TSEN34: variants seen among roughly 807,000 people sequenced by gnomAD.
TSEN34 encodes tRNA splicing endonuclease subunit 34, also known as tRNA-splicing endonuclease subunit Sen34.
In TSEN34, 25 loss-of-function variants were observed where a neutral mutation model predicts 30.2. That is an observed-to-expected ratio of 0.83 (90% CI 0.60 to 1.16). The LOEUF (loss-of-function observed/expected upper bound fraction) is 1.16, where lower values mean the gene tolerates loss of function less well. Among genes scored for constraint, TSEN34 ranks in the 50% most tolerant of loss-of-function variants. TSEN34 has a pLI of 0.00. For synonymous variants in TSEN34, 209 were observed against 177.4 expected (o/e 1.18, Z -1.41); for missense variants, 475 against 411.9 (o/e 1.15, Z -1.33).
At chr19:54,190,483 G>T (rs16985457), upstream of TSEN34, 13 of 1,372,510 alleles carry the variant, frequency 9.5e-6, no homozygotes, top group Non-Finnish European at 1.2e-5. Flanking sequence ...TGGACGGCGG[G>T]TGTCCAGGGG....
chr19:54,192,076 C>T (rs1359783706), intron 2 of TSEN34, 40 bp from the exon 3 acceptor site: 9 of 1,614,096 alleles, frequency 5.6e-6, no homozygotes, highest in East Asian at 2.2e-5. Flanking sequence ...AAGACTTTAC[C>T]CCTTGAATTT....
upstream of TSEN34, chr19:54,191,084 A>C: frequency 7.7e-7 from 1 of 1,302,654 alleles, no homozygotes; most frequent in Non-Finnish European, 9.7e-7. Context: ...CCGCAGGGTC[A>C]CAAGGGTAGA....
chr19:54,190,862 G>A (rs2076648233), upstream of TSEN34: 3 of 1,046,816 alleles, frequency 2.9e-6, no homozygotes, highest in Non-Finnish European at 3.4e-6. Flanking sequence ...AGGCTCGAGC[G>A]TCCGGAAGAG....
chr19:54,192,013 T>G (rs1021274718), intron 2 of TSEN34, 49 bp downstream of exon 2: 20 of 1,608,312 alleles, frequency 1.2e-5, no homozygotes, highest in East Asian at 8.9e-5. Flanking sequence ...AGAGGAGAGA[T>G]CTTTTAGGAA....
Position 54,191,411 on chromosome 19 carries a change from C to T in TSEN34, c.47C>T (p.Ala16Val), listed in dbSNP as rs1442277030. ...VANGRSLVWG[A>V]EAVQALRERL... ...AACGGCCGCTCCCTGGTGTGGGGAGCCGAGGCGGTGCAGGCCCTCCGGGAG... is the reference window on the plus strand; with the variant it reads ...AACGGCCGCTCCCTGGTGTGGGGAGTCGAGGCGGTGCAGGCCCTCCGGGAG... The change falls in exon 1 of 4, where the codon GCC becomes GTC. Residue 16 changes from alanine to valine, a missense_variant. Transcript: ENST00000396388. The T allele has an allele frequency of 6.5e-7, 1 of 1,549,034 alleles. No homozygotes were observed.
At chr19:54,190,290 G>A (rs920516698), upstream of TSEN34, 2 of 1,358,496 alleles carry the variant, frequency 1.5e-6, no homozygotes, top group Admixed American at 4.1e-5. Context: ...CGAGGGTGTC[G>A]GCATGAGGGG....
upstream of TSEN34, chr19:54,190,584 C>G (rs750496870): frequency 4.8e-6 from 6 of 1,240,262 alleles, no homozygotes; most frequent in Non-Finnish European, 6.1e-6. Flanking sequence ...CCACAGGCCG[C>G]GAGGCTGCCG....
At chr19:54,191,186 C>T (rs2076670935), upstream of TSEN34, 2 of 1,384,238 alleles carry the variant, frequency 1.4e-6, no homozygotes, top group South Asian at 1.7e-5. Flanking sequence ...TGGGATCGCC[C>T]GGGGGCGGGG....
At chr19:54,191,154 C>G (rs567696508), upstream of TSEN34, 12 of 1,360,884 alleles carry the variant, frequency 8.8e-6, no homozygotes, top group African/African-American at 4.7e-5. Flanking sequence ...GGCGTCTCGT[C>G]TCCGGCGGCC....
Position 54,191,475 on chromosome 19 carries a change from C to T in TSEN34, c.111C>T (p.Pro37=), listed in dbSNP as rs1208303012. 1.9e-6 allele frequency: 3 copies of T among 1,551,644 alleles called. No individual in the cohort carries two copies. The highest frequency in any genetic ancestry group is 2.4e-5 in the East Asian group (1 of 41,306). ...GGGGCCGCACGGTAGGCGCCCTGCCCCGCGGGCCCCGCCAGAACTCGCGCC... is the reference window on the plus strand; with the variant it reads ...GGGGCCGCACGGTAGGCGCCCTGCCTCGCGGGCCCCGCCAGAACTCGCGCC... ...GVGGRTVGAL[P]RGPRQNSRLG... is the part of the protein sequence containing the mutation. Residue 37 remains proline (P), a synonymous_variant, in exon 1 of 4, where the codon CCC becomes CCT. Transcript: ENST00000396388.
chr19:54,191,631 G>A (rs781427203), intron 1 of TSEN34, 24 bp downstream of exon 1: 16 of 1,606,394 alleles, frequency 1.0e-5, no homozygotes, highest in Non-Finnish European at 1.4e-5. Context: ...GCTCGAACTC[G>A]GGTTCGGTGG....
chr19:54,192,279 C>T lies in TSEN34; in HGVS notation c.651C>T (p.His217=). 1.2e-6 allele frequency: 2 copies of T among 1,614,130 alleles called. No homozygotes were observed. The highest frequency in any genetic ancestry group is 1.7e-6 in the Non-Finnish European group (2 of 1,180,020). The change falls in exon 3 of 4, where the codon CAC becomes CAT. Residue 217 remains histidine (H), a synonymous_variant. Coordinates refer to ENST00000396388, the MANE Select transcript of TSEN34 (RefSeq NM_001077446.4). ...GGCCCCACGCCGGCCGCCCTGCCCA[C>T]GAGCTGCGCTACAGTATCTACAGAG... The part of the protein sequence containing the change: ...KDWPHAGRPA[H]ELRYSIYRDL...
At chr19:54,192,004 G>A in intron 2 of TSEN34, 40 bp downstream of exon 2, 3 of 1,614,100 alleles carry the variant, frequency 1.9e-6, no homozygotes, top group Middle Eastern at 1.7e-4. Context: ...ACGGGAAGGA[G>A]AGGAGAGATC....
chr19:54,190,939 A>T (rs1039561724), upstream of TSEN34: 4 of 1,049,700 alleles, frequency 3.8e-6, no homozygotes, highest in Non-Finnish European at 4.6e-6. Context: ...CCGAAGGGGG[A>T]CGCCCACTTT....
chr19:54,193,569 A>G lies in TSEN34; in HGVS notation c.*207A>G. 1 of 1,521,752 alleles carries G rather than the reference A, an allele frequency of 6.6e-7. No homozygotes were observed. The highest frequency in any genetic ancestry group is 8.8e-7 in the Non-Finnish European group (1 of 1,133,780). The allele number at this position is 1,521,752 out of a possible 1,614,324, so 94.3% of individuals were successfully genotyped here. On this transcript the variant is annotated 3_prime_UTR_variant, in exon 4 of 4. Transcript: ENST00000396388. Reference sequence around the variant, plus strand: ...TGTTTTTGTAGTTACCTATTTTCACACTGTGAGCTTCCCGAGAATGGGGCC... The same window carrying G: ...TGTTTTTGTAGTTACCTATTTTCACGCTGTGAGCTTCCCGAGAATGGGGCC...
chr19:54,192,810 G>A (rs1018229780), intron 3 of TSEN34, among the ~76,000 whole-genome samples: 2 of 152,130 alleles, frequency 1.3e-5, no homozygotes, highest in Admixed American at 1.3e-4. Flanking sequence ...TTTGATACCA[G>A]TCTGGCCAAC....
chr19:54,190,321 C>G (rs1047797290), upstream of TSEN34: 3 of 1,500,292 alleles, frequency 2.0e-6, no homozygotes, highest in Admixed American at 4.1e-5. Flanking sequence ...GAGCGCGTGG[C>G]GCGGTGCGCA....
chr19:54,192,807 C>A (rs1205833976), intron 3 of TSEN34, among the ~76,000 whole-genome samples: 2 of 152,124 alleles, frequency 1.3e-5, no homozygotes, highest in Non-Finnish European at 2.9e-5. Flanking sequence ...GAGTTTGATA[C>A]CAGTCTGGCC....
intron 1 of TSEN34, 22 bp downstream of exon 1, chr19:54,191,629 T>C (rs773746450): frequency 3.1e-6 from 5 of 1,605,958 alleles, no homozygotes; most frequent in Non-Finnish European, 3.4e-6. Flanking sequence ...GGGCTCGAAC[T>C]CGGGTTCGGT....
Sources: allele counts gnomAD v4.1 joint callset (sites outside exome capture counted in the v4.1 genomes callset), GRCh38; gene constraint gnomAD v4.1.1; transcripts MANE v1.5; gene names NCBI Gene and HGNC (gene_info 2026-07-23, HGNC 2026-07-21).